Variants in PDSS1 observed in about 807,000 individuals in gnomAD.
PDSS1 encodes the protein decaprenyl diphosphate synthase subunit 1.
PDSS1 carries 43 observed loss-of-function variants against 57.5 expected under a neutral mutation model. The observed-to-expected ratio is 0.75, with a 90% confidence interval of 0.59 to 0.96. PDSS1 has a LOEUF of 0.96. Ranked by LOEUF, PDSS1 falls within the 50% of genes least tolerant of loss-of-function variation. The pLI is 0.00. For missense variants in PDSS1, 438 were observed against 527.8 expected, an observed-to-expected ratio of 0.83 and a Z score of 1.67; for synonymous variants, 175 against 191.3, an observed-to-expected ratio of 0.91 and a Z score of 0.70.
At chr10:26,702,405 A>G (rs538383413) in intron 2 of PDSS1, among the ~76,000 whole-genome samples, 1 of 152,252 alleles carries the variant, frequency 6.6e-6, no homozygotes, top group Admixed American at 6.5e-5. Flanking sequence ...TGTGGAGGTA[A>G]TTGGATCCTG....
chr10:26,721,720 C>T (rs1835792969), intron 6 of PDSS1, among the ~76,000 whole-genome samples: 2 of 152,178 alleles, frequency 1.3e-5, no homozygotes, highest in South Asian at 4.1e-4. Context: ...GTCCTAAAGC[C>T]TTATGTGGAG....
chr10:26,746,647 T>C lies in PDSS1; in HGVS notation c.*174T>C, dbSNP rs1023281876. 3.2e-6 allele frequency: 2 copies of C among 628,280 alleles called. No individual in the cohort carries two copies. Among genetic ancestry groups the C allele is most frequent in the South Asian group, 1.9e-5 (1 of 53,182 alleles). The allele number at this position is 628,280 out of a possible 1,614,324, so 38.9% of individuals were successfully genotyped here. A position where few individuals can be genotyped will look rare whatever the true frequency, so the allele number is the denominator to read the frequency against. Reference sequence around the variant, plus strand: ...TGCAAAAGTTTTTTCAGAAAACTTTTTAAATGTAATTAATAAACCACCTGA... The same window carrying C: ...TGCAAAAGTTTTTTCAGAAAACTTTCTAAATGTAATTAATAAACCACCTGA... On this transcript the variant is annotated 3_prime_UTR_variant, in exon 12 of 12. Transcript: ENST00000376215.
At chr10:26,700,245 A>G (rs895601808) in intron 1 of PDSS1, among the ~76,000 whole-genome samples, 1 of 147,412 alleles carries the variant, frequency 6.8e-6, no homozygotes, top group Non-Finnish European at 1.5e-5. Context: ...GACTCAAGCC[A>G]TTCCCCCCTC....
In PDSS1 at chr10:26,709,700, G is replaced by T. The variant is rs141964368; in HGVS notation, c.399G>T (p.Gly133=). 6.2e-7 allele frequency: 1 copy of T among 1,612,936 alleles called. No homozygotes were observed. Among genetic ancestry groups the T allele is most frequent in the African/African-American group, 1.3e-5 (1 of 74,912 alleles). ...EMSEYYFDGK[G]KAFRPIIVAL... is the part of the protein sequence containing the mutation. ...CTGAGTACTACTTTGATGGGAAAGG[G>T]AAAGCCTTTCGACCAATTATTGTGG... Residue 133 remains glycine, a synonymous_variant, in exon 5 of 12, where the codon GGG becomes GGT. Coordinates refer to ENST00000376215, the MANE Select transcript of PDSS1 (RefSeq NM_014317.5).
Position 26,746,606 on chromosome 10 carries a change from A to G in PDSS1, c.*133A>G. On this transcript the variant is annotated 3_prime_UTR_variant, in exon 12 of 12. Transcript: ENST00000376215. The stretch of plus-strand genomic sequence containing the variant: ...AAGATATCAAACTTATTGATGGGCA[A>G]TTTATTTTTTTTTATTGCAAAAGTT... 4.1e-6 allele frequency: 4 copies of G among 982,596 alleles called. No homozygotes were observed. Among genetic ancestry groups the G allele is most frequent in the Non-Finnish European group, 4.6e-6 (3 of 656,192 alleles). The allele number at this position is 982,596 out of a possible 1,614,324, so 60.9% of individuals were successfully genotyped here. A position where few individuals can be genotyped will look rare whatever the true frequency, so the allele number is the denominator to read the frequency against.
At chr10:26,701,045 G>A (rs1194010359) in intron 1 of PDSS1, among the ~76,000 whole-genome samples, 1 of 152,186 alleles carries the variant, frequency 6.6e-6, no homozygotes, top group Non-Finnish European at 1.5e-5. Context: ...GGTGGTCTCA[G>A]ATGGAGATGA....
intron 10 of PDSS1, among the ~76,000 whole-genome samples, chr10:26,739,209 A>G (rs1192107446): frequency 6.6e-6 from 1 of 152,148 alleles, no homozygotes; most frequent in Non-Finnish European, 1.5e-5. Context: ...TCGTTTGGGT[A>G]GACTCATACT....
In PDSS1 at chr10:26,710,141, G is replaced by A. The variant is rs78918982; in HGVS notation, c.467+373G>A. Among the ~76,000 whole-genome samples, 305 of 36,570 alleles carry A rather than the reference G, an allele frequency of 8.3e-3. 1 individual carries two copies. The highest frequency in any genetic ancestry group is 0.011 in the Admixed American group (29 of 2,748). 24.0% of individuals were successfully genotyped at this position (36,570 alleles called of 152,430 possible). On this transcript the variant is annotated intron_variant, in intron 5 of 11. Transcript: ENST00000376215. ...TGCACTCCAGCCTGGGCGACAGAGC[G>A]AGACTCTTGTCTTAAAAAAAAAAAA...
Position 26,697,839 on chromosome 10 carries a change from A to G in PDSS1, c.128A>G (p.Gln43Arg). ...AGCGCCGCTGCCGAAGTCCGCGCGC[A>G]GGTGAGGTTGGGAGGCGCGCGCCCG... Reference protein sequence around the residue: ...GPSAAAEVRAQVHRRKGLDLS... With the variant: ...GPSAAAEVRARVHRRKGLDLS... Residue 43 changes from glutamine to arginine, a missense_variant and splice_region_variant, in exon 1 of 12, where the codon CAG becomes CGG. Physicochemically the swap from Gln to Arg is conservative, Grantham distance 43. Coordinates refer to ENST00000376215, the MANE Select transcript of PDSS1 (RefSeq NM_014317.5). The G allele has an allele frequency of 7.5e-7, 1 of 1,334,762 alleles. No homozygotes were observed. The highest frequency in any genetic ancestry group is 3.2e-5 in the East Asian group (1 of 31,026). The allele number at this position is 1,334,762 out of a possible 1,614,324, so 82.7% of individuals were successfully genotyped here.
At chr10:26,738,512 C>T (rs1836478319) in intron 10 of PDSS1, among the ~76,000 whole-genome samples, 1 of 152,320 alleles carries the variant, frequency 6.6e-6, no homozygotes. Flanking sequence ...TGGGCACTGA[C>T]GATACTCAAA....
rs1836546272 is a variant in PDSS1 at position 26,740,289 on chromosome 10, A to G, written c.1027-2208A>G. 2.0e-5 allele frequency among the ~76,000 whole-genome samples: 3 copies of G among 152,350 alleles called. No individual in the cohort carries two copies. The South Asian group carries it at 6.2e-4, about 32-fold the overall frequency. On this transcript the variant is annotated intron_variant, in intron 10 of 11. Coordinates refer to ENST00000376215, the MANE Select transcript of PDSS1 (RefSeq NM_014317.5). ...TGCACCACTGCACTCCAGCCTGGGC[A>G]ACAGAACAAGTCTCATAACAAAACT...
intron 1 of PDSS1, among the ~76,000 whole-genome samples, chr10:26,701,649 A>T (rs148824132): frequency 6.6e-6 from 1 of 152,252 alleles, no homozygotes; most frequent in South Asian, 2.1e-4. Context: ...AAATGCCTCA[A>T]TGCCCAAGCA....
In PDSS1 at chr10:26,723,912, T is replaced by G. The variant is rs1278404579; in HGVS notation, c.716T>G (p.Val239Gly). Reference sequence around the variant, plus strand: ...TTAACCCAAGTTATTGAAGATTTGGTGCGTGGTACGTTGATTCTGATTTTT... The same window carrying G: ...TTAACCCAAGTTATTGAAGATTTGGGGCGTGGTACGTTGATTCTGATTTTT... ...SILTQVIEDL[V>G]RGEFLQLGSK... The change falls in exon 7 of 12, where the codon GTG becomes GGG. Residue 239 changes from valine (V) to glycine (G), a missense_variant. By Grantham distance (109) the Val-to-Gly change is moderately radical. Coordinates refer to ENST00000376215, the MANE Select transcript of PDSS1 (RefSeq NM_014317.5). The G allele has an allele frequency of 6.2e-7, 1 of 1,606,728 alleles. No homozygotes were observed. Among genetic ancestry groups the G allele is most frequent in the South Asian group, 1.1e-5 (1 of 90,908 alleles).
At chr10:26,724,244 A>G (rs1158595978) in intron 8 of PDSS1, 121 bp downstream of exon 8, 2 of 745,840 alleles carry the variant, frequency 2.7e-6, no homozygotes, top group Non-Finnish European at 4.8e-6. Context: ...CAAGAGGTTA[A>G]TGAGGAAAAG....
rs768853545 is a variant in PDSS1, at chr10:26,742,506, A to G, written c.1036A>G (p.Met346Val). ...VLFACQQFPE[M>V]NAMIMRRFSL... ...TCTCTTTTTTTGTTAGTTCCCAGAA[A>G]TGAATGCTATGATCATGCGACGGTT... is the stretch of plus-strand genomic sequence containing the variant. The change falls in exon 11 of 12, where the codon ATG (methionine) becomes GTG (valine). Residue 346 changes from methionine to valine, a missense_variant. Coordinates refer to ENST00000376215, the MANE Select transcript of PDSS1 (RefSeq NM_014317.5). The G allele has an allele frequency of 6.2e-7, 1 of 1,611,058 alleles. No individual in the cohort carries two copies. Among genetic ancestry groups the G allele is most frequent in the South Asian group, 1.1e-5 (1 of 91,012 alleles).
At chr10:26,736,890 A>C (rs1836425494) in intron 10 of PDSS1, among the ~76,000 whole-genome samples, 1 of 152,186 alleles carries the variant, frequency 6.6e-6, no homozygotes, top group African/African-American at 2.4e-5. Flanking sequence ...AAATTTATAA[A>C]ACCTCCTTTT....
intron 5 of PDSS1, chr10:26,717,508 G>A (rs999317010): frequency 1.3e-5 from 2 of 152,208 alleles, no homozygotes; most frequent in Non-Finnish European, 2.9e-5. Context: ...CTGGGATTAT[G>A]GGCATGAGCC....
intron 8 of PDSS1, among the ~76,000 whole-genome samples, chr10:26,732,032 C>T (rs181229875): frequency 1.3e-5 from 2 of 152,364 alleles, no homozygotes; most frequent in Admixed American, 6.5e-5. Context: ...GAAGTGCATA[C>T]GCACAGCACA....
At chr10:26,727,340 CTTTT>C (rs71403885) in intron 8 of PDSS1, among the ~76,000 whole-genome samples, 4,000 of 100,616 alleles carry the variant, frequency 0.04, 196 homozygotes, top group African/African-American at 0.14. Flanking sequence ...CTCTCTCTCT[CTTTT>C]TTTTTTTTTT....
Sources: allele counts gnomAD v4.1 joint callset (sites outside exome capture counted in the v4.1 genomes callset), GRCh38; gene constraint gnomAD v4.1.1; transcripts MANE v1.5; gene names NCBI Gene and HGNC (gene_info 2026-07-23, HGNC 2026-07-21).